PDE4D: variants seen among roughly 807,000 people sequenced by gnomAD.
PDE4D encodes phosphodiesterase 4D, also known as 3',5'-cyclic-AMP phosphodiesterase 4D.
PDE4D carries 24 observed loss-of-function variants against 87.4 expected under a neutral mutation model. That is an observed-to-expected ratio of 0.27 (90% CI 0.20 to 0.39). PDE4D has a LOEUF of 0.39. Ranked by LOEUF, PDE4D falls within the 10% of genes least tolerant of loss-of-function variation. PDE4D has a pLI of 1.00. For missense variants in PDE4D, 714 were observed against 1,041.0 expected (o/e 0.69, Z 4.32); for synonymous variants, 384 against 383.2 (o/e 1.00, Z -0.02).
chr5:59,540,034 G>A (rs769802412), intron 1 of PDE4D, among the ~76,000 whole-genome samples: 8 of 152,102 alleles, frequency 5.3e-5, no homozygotes, highest in Non-Finnish European at 8.8e-5. Context: ...TTGCTGGACT[G>A]CTCCCTTCCA....
At chr5:59,187,737 G>A (rs936972711) in intron 3 of PDE4D, among the ~76,000 whole-genome samples, 9 of 152,016 alleles carry the variant, frequency 5.9e-5, no homozygotes, top group African/African-American at 2.2e-4. Context: ...TATTTCCTAG[G>A]CATGCCAGTA....
At chr5:59,633,258 G>T (rs972579714) in intron 1 of PDE4D, among the ~76,000 whole-genome samples, 1 of 152,154 alleles carries the variant, frequency 6.6e-6, no homozygotes, top group Non-Finnish European at 1.5e-5. Context: ...AAACCTACAT[G>T]TGATTAGTGT....
At chr5:60,028,509 C>T (rs1766887655) in intron 2 of PDE4D, among the ~76,000 whole-genome samples, 1 of 152,092 alleles carries the variant, frequency 6.6e-6, no homozygotes, top group African/African-American at 2.4e-5. Context: ...TCCTTCCCTC[C>T]AACATATCCA....
chr5:60,350,266 A>C (rs778017588), intron 1 of PDE4D, among the ~76,000 whole-genome samples: 1 of 152,192 alleles, frequency 6.6e-6, no homozygotes, highest in African/African-American at 2.4e-5. Context: ...TCCTAGGTGC[A>C]CTTCCGTGTC....
At chr5:60,517,920 GAGA>G (rs1167526979) in intron 1 of PDE4D, among the ~76,000 whole-genome samples, 3 of 152,224 alleles carry the variant, frequency 2.0e-5, no homozygotes, top group African/African-American at 7.2e-5. Context: ...GGAGAGAAGA[GAGA>G]AGAAGAGAGG....
rs1033444516 is a variant in PDE4D, at chr5:59,686,082, C to T, written c.455+207086G>A. On this transcript the variant is annotated intron_variant, in intron 1 of 14. Transcript: ENST00000340635. ...CCAGTTTTAAGGCTTTTGTTTATGA[C>T]ACAACAGGCCAGATGGTGGTGTCTC... Among the ~76,000 whole-genome samples, 28 of 152,154 alleles carry T rather than the reference C, an allele frequency of 1.8e-4. 1 individual carries two copies. The highest frequency in any genetic ancestry group is 5.9e-5 in the Non-Finnish European group (4 of 68,028).
At chr5:60,027,366 G>A (rs185308346) in intron 2 of PDE4D, among the ~76,000 whole-genome samples, 53 of 152,150 alleles carry the variant, frequency 3.5e-4, no homozygotes, top group African/African-American at 1.2e-3. Context: ...TAGGATAATG[G>A]CCACTAGCTA....
At chr5:59,601,028 T>C (rs1827430463) in intron 1 of PDE4D, among the ~76,000 whole-genome samples, 1 of 152,184 alleles carries the variant, frequency 6.6e-6, no homozygotes, top group Non-Finnish European at 1.5e-5. Context: ...TTGTGCTTTA[T>C]GCTGAATTCT....
intron 5 of PDE4D, among the ~76,000 whole-genome samples, chr5:59,155,345 C>A (rs1780014066): frequency 6.6e-6 from 1 of 152,070 alleles, no homozygotes; most frequent in South Asian, 2.1e-4. Flanking sequence ...TGGCTCCCAA[C>A]AAAAACATGT....
chr5:60,398,113 G>T (rs1763012098), intron 1 of PDE4D, among the ~76,000 whole-genome samples: 1 of 152,076 alleles, frequency 6.6e-6, no homozygotes, highest in African/African-American at 2.4e-5. Context: ...ATCTTCTATG[G>T]TTGAATGCAA....
chr5:60,051,371 G>C (rs1198010192), intron 2 of PDE4D, among the ~76,000 whole-genome samples: 1 of 152,082 alleles, frequency 6.6e-6, no homozygotes, highest in Non-Finnish European at 1.5e-5. Context: ...TTAGAACTCA[G>C]GATTAAGAAA....
intron 1 of PDE4D, among the ~76,000 whole-genome samples, chr5:59,587,259 T>C (rs1275823173): frequency 6.6e-6 from 1 of 152,238 alleles, no homozygotes; most frequent in Admixed American, 6.5e-5. Context: ...ATATTTTGCC[T>C]TGGAAAGAAA....
intron 6 of PDE4D, among the ~76,000 whole-genome samples, chr5:58,998,243 G>A (rs900700464): frequency 1.2e-4 from 18 of 151,978 alleles, no homozygotes; most frequent in South Asian, 8.3e-4. Flanking sequence ...AAAAAGAAAC[G>A]TACTAAAATT....
intron 1 of PDE4D, among the ~76,000 whole-genome samples, chr5:60,412,849 A>G (rs568142793): frequency 7.9e-5 from 12 of 152,286 alleles, no homozygotes; most frequent in Non-Finnish European, 1.5e-4. Context: ...TATTTCCTAT[A>G]ACCCTTACAA....
chr5:59,922,839 A>C (rs753477454), intron 3 of PDE4D, among the ~76,000 whole-genome samples: 6 of 151,920 alleles, frequency 3.9e-5, no homozygotes, highest in Non-Finnish European at 7.4e-5. Context: ...AAGGGTAAAG[A>C]GGACTTTGTC....
At chr5:58,977,758 C>G (rs10055954) in intron 11 of PDE4D, among the ~76,000 whole-genome samples, 24,503 of 152,102 alleles carry the variant, frequency 0.16, 2,104 homozygotes, top group Admixed American at 0.19. Flanking sequence ...AGTGAGGATC[C>G]TGTGTTACAG....
At chr5:59,596,195 G>T (rs558975991) in intron 1 of PDE4D, among the ~76,000 whole-genome samples, 129 of 150,904 alleles carry the variant, frequency 8.5e-4, no homozygotes, top group African/African-American at 3.0e-3. Flanking sequence ...AAGCAAATAT[G>T]ACTATGTTAT....
chr5:60,381,202 G>A (rs903405773), intron 1 of PDE4D, among the ~76,000 whole-genome samples: 7 of 152,182 alleles, frequency 4.6e-5, no homozygotes, highest in Non-Finnish European at 7.4e-5. Context: ...AGTCTGAGTA[G>A]CTGAGGTAAG....
chr5:59,767,381 TGATCA>T (rs763497063), intron 1 of PDE4D, among the ~76,000 whole-genome samples: 131 of 152,182 alleles, frequency 8.6e-4, no homozygotes, highest in Non-Finnish European at 1.6e-3. Flanking sequence ...TTGGACTCAC[TGATCA>T]GAGTTTGGAA....
Sources: gnomAD v4.1 joint callset for allele counts (sites outside exome capture counted in the v4.1 genomes callset) on GRCh38, gnomAD v4.1.1 for gene constraint, MANE v1.5 for transcripts, NCBI Gene and HGNC (gene_info 2026-07-23, HGNC 2026-07-21) for gene names.